Variants in CCDC192 observed in about 807,000 individuals in gnomAD.
CCDC192 encodes coiled-coil domain-containing protein 192.
chr5:127,865,821 A>G (rs1580770219), intron 5 of CCDC192, among the ~76,000 whole-genome samples: 3 of 151,966 alleles, frequency 2.0e-5, no homozygotes, highest in South Asian at 2.1e-4. Context: ...GGTTATATCT[A>G]TCGTTGTCAA....
At chr5:127,702,718 G>A (rs1750756467), upstream of CCDC192, among the ~76,000 whole-genome samples, 1 of 152,156 alleles carries the variant, frequency 6.6e-6, no homozygotes, top group South Asian at 2.1e-4. Context: ...TGGACTGCAG[G>A]GATCCTACCT....
intron 5 of CCDC192, among the ~76,000 whole-genome samples, chr5:127,813,738 G>A (rs969322830): frequency 1.3e-5 from 2 of 152,140 alleles, no homozygotes; most frequent in African/African-American, 4.8e-5. Context: ...TGCAAGGATA[G>A]CCAGGTCAGA....
chr5:127,736,008 G>A (rs1165894564), intron 2 of CCDC192, among the ~76,000 whole-genome samples: 1 of 106,940 alleles, frequency 9.4e-6, no homozygotes, highest in Non-Finnish European at 1.8e-5. Context: ...TCTTGTCCCA[G>A]TTTTCAAAGG....
At chr5:127,747,470 T>C (rs1753842085) in intron 2 of CCDC192, among the ~76,000 whole-genome samples, 1 of 152,126 alleles carries the variant, frequency 6.6e-6, no homozygotes, top group Non-Finnish European at 1.5e-5. Flanking sequence ...TATTCCATGG[T>C]GTATATGTGC....
intron 5 of CCDC192, among the ~76,000 whole-genome samples, chr5:127,833,243 C>G (rs1009020902): frequency 2.0e-5 from 3 of 152,138 alleles, no homozygotes; most frequent in African/African-American, 4.8e-5. Context: ...TATACCTCTA[C>G]TCTATCATTT....
intron 5 of CCDC192, among the ~76,000 whole-genome samples, chr5:127,801,773 G>A (rs1444427135): frequency 1.3e-5 from 2 of 152,174 alleles, no homozygotes; most frequent in Non-Finnish European, 2.9e-5. Flanking sequence ...ATTTAACAGA[G>A]TTCATGTGAG....
chr5:127,897,644 C>A (rs1187485557), intron 6 of CCDC192, among the ~76,000 whole-genome samples: 1 of 152,046 alleles, frequency 6.6e-6, no homozygotes, highest in Non-Finnish European at 1.5e-5. Context: ...GTGCATACAT[C>A]GTATTTTGGG....
At chr5:127,745,907 GACA>G (rs1297989807) in intron 2 of CCDC192, among the ~76,000 whole-genome samples, 1 of 152,160 alleles carries the variant, frequency 6.6e-6, no homozygotes, top group African/African-American at 2.4e-5. Flanking sequence ...GCAAAACTGG[GACA>G]ACAACTGAAC....
chr5:127,876,466 G>A (rs993900854), intron 6 of CCDC192, among the ~76,000 whole-genome samples: 12 of 152,186 alleles, frequency 7.9e-5, no homozygotes, highest in African/African-American at 2.9e-4. Context: ...CACTTGGAGA[G>A]TCACCCTCTA....
At chr5:127,763,316 C>T (rs954592142) in intron 3 of CCDC192, among the ~76,000 whole-genome samples, 1 of 152,190 alleles carries the variant, frequency 6.6e-6, no homozygotes, top group Non-Finnish European at 1.5e-5. Context: ...CACTGTGCTG[C>T]TTTGATTCTT....
intron 5 of CCDC192, among the ~76,000 whole-genome samples, chr5:127,846,037 T>A (rs780813158): frequency 3.9e-5 from 6 of 152,144 alleles, no homozygotes; most frequent in Non-Finnish European, 7.3e-5. Flanking sequence ...ACTCCTGTAA[T>A]CCCAGCACTT....
intron 6 of CCDC192, among the ~76,000 whole-genome samples, chr5:127,937,537 C>T (rs1754219903): frequency 6.6e-6 from 1 of 152,192 alleles, no homozygotes; most frequent in African/African-American, 2.4e-5. Flanking sequence ...GAGTCCTCAC[C>T]AGAACCTGAC....
chr5:127,772,552 C>G (rs1410170686), intron 3 of CCDC192, among the ~76,000 whole-genome samples: 8 of 151,726 alleles, frequency 5.3e-5, no homozygotes, highest in Non-Finnish European at 5.9e-5. Flanking sequence ...GTCATACTTG[C>G]AAGATATTGG....
Position 127,780,561 on chromosome 5 carries a change from T to G in CCDC192, c.223-16542T>G, listed in dbSNP as rs190313536. ...TGCATTGTGGTTTTGATTTGCATTTTCCTGATCATTAGTGATGTTGAGCAT... is the reference window on the plus strand; with the variant it reads ...TGCATTGTGGTTTTGATTTGCATTTGCCTGATCATTAGTGATGTTGAGCAT... On this transcript the variant is annotated intron_variant, in intron 3 of 6. Transcript: ENST00000514853. Among the ~76,000 whole-genome samples, 3 of 152,264 alleles carry G rather than the reference T, an allele frequency of 2.0e-5. No homozygotes were observed. In the East Asian group the frequency reaches 5.8e-4, roughly 29 times the overall value.
intron 2 of CCDC192, among the ~76,000 whole-genome samples, chr5:127,739,252 G>A (rs1263458442): frequency 3.9e-5 from 6 of 152,176 alleles, no homozygotes; most frequent in Admixed American, 6.5e-5. Flanking sequence ...GGGGGTCAGG[G>A]GTCAGGGACC....
intron 5 of CCDC192, among the ~76,000 whole-genome samples, chr5:127,801,653 G>C (rs1346259074): frequency 5.3e-5 from 8 of 152,138 alleles, no homozygotes; most frequent in Non-Finnish European, 1.2e-4. Flanking sequence ...CAAGACTCAA[G>C]TTATGTACCA....
At chr5:127,733,846 T>C (rs545795388) in intron 2 of CCDC192, among the ~76,000 whole-genome samples, 14 of 151,498 alleles carry the variant, frequency 9.2e-5, no homozygotes, top group Admixed American at 2.0e-4. Context: ...AAGTTTCTTT[T>C]TTTTTTTTTC....
Position 127,732,465 on chromosome 5 carries a change from C to T in CCDC192, c.115-21803C>T, listed in dbSNP as rs1327259253. Among the ~76,000 whole-genome samples the T allele has an allele frequency of 5.3e-5, 8 of 152,160 alleles. No homozygotes were observed. In the East Asian group the frequency reaches 1.5e-3, roughly 29 times the overall value. On this transcript the variant is annotated intron_variant, in intron 2 of 6. Transcript: ENST00000514853. Reference sequence around the variant, plus strand: ...CCTCAAAGACATGTAACAAGAAATACCATTTGACCCAGCAATCCCATTACT... The same window carrying T: ...CCTCAAAGACATGTAACAAGAAATATCATTTGACCCAGCAATCCCATTACT...
intron 5 of CCDC192, among the ~76,000 whole-genome samples, chr5:127,872,062 A>AT (rs1351893797): frequency 6.6e-6 from 1 of 152,248 alleles, no homozygotes; most frequent in Admixed American, 6.5e-5. Flanking sequence ...TCTATGACTA[A>AT]TAAAAAACAT....
Sources: allele counts gnomAD v4.1 joint callset (sites outside exome capture counted in the v4.1 genomes callset), GRCh38; gene constraint gnomAD v4.1.1; transcripts MANE v1.5; gene names NCBI Gene and HGNC (gene_info 2026-07-23, HGNC 2026-07-21).